CNTNAP2: variants seen among roughly 807,000 people sequenced by gnomAD.
CNTNAP2 encodes contactin associated protein 2.
In CNTNAP2, 98 loss-of-function variants were observed where a neutral mutation model predicts 155.2. That is an observed-to-expected ratio of 0.63 (90% CI 0.54 to 0.75). The LOEUF (loss-of-function observed/expected upper bound fraction) is 0.75, where lower values mean the gene tolerates loss of function less well. Among genes scored for constraint, CNTNAP2 ranks in the 30% least tolerant of loss-of-function variants. CNTNAP2 has a pLI of 0.00. For missense variants in CNTNAP2, 1,727 were observed against 1,688.1 expected (o/e 1.02, Z -0.40); for synonymous variants, 651 against 631.2 (o/e 1.03, Z -0.47).
intron 14 of CNTNAP2, among the ~76,000 whole-genome samples, chr7:147,940,523 T>TTTAA (rs1800700508): frequency 1.3e-5 from 2 of 152,000 alleles, no homozygotes; most frequent in Admixed American, 6.6e-5. Context: ...TTATTTCTTT[T>TTTAA]TTAATTATTT....
At chr7:148,349,346 C>A (rs778612960) in intron 21 of CNTNAP2, among the ~76,000 whole-genome samples, 1 of 150,156 alleles carries the variant, frequency 6.7e-6, no homozygotes, top group Non-Finnish European at 1.5e-5. Context: ...TTGGGCCACA[C>A]GTAAAACACA....
chr7:146,453,929 A>G (rs1027699514), intron 1 of CNTNAP2, among the ~76,000 whole-genome samples: 1 of 152,150 alleles, frequency 6.6e-6, no homozygotes, highest in Admixed American at 6.6e-5. Flanking sequence ...TGGGGTCCTA[A>G]AAGGGTGGAG....
intron 3 of CNTNAP2, among the ~76,000 whole-genome samples, chr7:146,885,700 C>T (rs973515145): frequency 2.6e-5 from 4 of 152,008 alleles, no homozygotes; most frequent in Non-Finnish European, 5.9e-5. Flanking sequence ...TGGATTGAAA[C>T]GAGCCAATAA....
At chr7:147,818,988 A>G (rs17824995) in intron 13 of CNTNAP2, among the ~76,000 whole-genome samples, 10,418 of 152,234 alleles carry the variant, frequency 0.068, 465 homozygotes, top group Middle Eastern at 0.16. Context: ...TTCTAGAGAC[A>G]TTGAATCCAG....
intron 4 of CNTNAP2, among the ~76,000 whole-genome samples, chr7:147,063,428 A>G (rs1452196139): frequency 6.6e-6 from 1 of 152,154 alleles, no homozygotes; most frequent in East Asian, 1.9e-4. Flanking sequence ...CAGGTATGGG[A>G]CACACTTGGG....
chr7:146,592,230 C>T lies in CNTNAP2; in HGVS notation c.98-182041C>T, dbSNP rs190565680. Among the ~76,000 whole-genome samples the T allele has an allele frequency of 5.3e-5, 8 of 152,296 alleles. No individual in the cohort carries two copies. In the Middle Eastern group the frequency reaches 0.014, roughly 259 times the overall value. On this transcript the variant is annotated intron_variant, in intron 1 of 23. Coordinates refer to ENST00000361727, the MANE Select transcript of CNTNAP2 (RefSeq NM_014141.6). ...AGAAGGTTCATTCTGAGATGAGGAT[C>T]TCTGTGGCATATGGTCTTCAGGAGG...
intron 13 of CNTNAP2, among the ~76,000 whole-genome samples, chr7:147,823,437 C>T (rs1798392364): frequency 6.6e-6 from 1 of 152,084 alleles, no homozygotes; most frequent in Admixed American, 6.6e-5. Context: ...TAACCACTAA[C>T]AACCACACTT....
intron 10 of CNTNAP2, among the ~76,000 whole-genome samples, chr7:147,414,969 GA>G (rs899675973): frequency 7.7e-6 from 1 of 129,256 alleles, no homozygotes; most frequent in African/African-American, 2.8e-5. Context: ...AAAAAGAAAA[GA>G]AAAAAAAGAA....
At chr7:147,946,502 G>A (rs1201729199) in intron 14 of CNTNAP2, among the ~76,000 whole-genome samples, 1 of 152,000 alleles carries the variant, frequency 6.6e-6, no homozygotes, top group Non-Finnish European at 1.5e-5. Context: ...CATGACAGAA[G>A]GTTTTACACA....
chr7:147,457,815 C>A lies in CNTNAP2; in HGVS notation c.1671-28120C>A, dbSNP rs546384018. On this transcript the variant is annotated intron_variant, in intron 10 of 23. Coordinates refer to ENST00000361727, the MANE Select transcript of CNTNAP2 (RefSeq NM_014141.6). Reference sequence around the variant, plus strand: ...TAAAAAATACTAAGCAATATCTATGCTACATAGTTTATTTTCAATGAATCA... The same window carrying A: ...TAAAAAATACTAAGCAATATCTATGATACATAGTTTATTTTCAATGAATCA... 4.7e-5 allele frequency among the ~76,000 whole-genome samples: 7 copies of A among 147,372 alleles called. No individual in the cohort carries two copies. In the South Asian group the frequency reaches 1.5e-3, roughly 32 times the overall value.
At chr7:147,003,988 T>C (rs1798476483) in intron 3 of CNTNAP2, among the ~76,000 whole-genome samples, 1 of 152,066 alleles carries the variant, frequency 6.6e-6, no homozygotes, top group Non-Finnish European at 1.5e-5. Flanking sequence ...GCTATGTTTA[T>C]GCCATTGCAC....
intron 1 of CNTNAP2, among the ~76,000 whole-genome samples, chr7:146,289,735 T>G (rs1375658738): frequency 6.6e-6 from 1 of 152,196 alleles, no homozygotes; most frequent in African/African-American, 2.4e-5. Context: ...ACACAATCTC[T>G]TTTACTAAAA....
At chr7:148,192,612 G>A (rs1001573919) in intron 18 of CNTNAP2, among the ~76,000 whole-genome samples, 2 of 150,832 alleles carry the variant, frequency 1.3e-5, no homozygotes, top group East Asian at 1.9e-4. Flanking sequence ...GGCTACAAGA[G>A]CAAAACTCCG....
intron 1 of CNTNAP2, among the ~76,000 whole-genome samples, chr7:146,413,629 CTTG>C (rs1261893788): frequency 6.6e-6 from 1 of 152,020 alleles, no homozygotes; most frequent in Non-Finnish European, 1.5e-5. Flanking sequence ...CTTCCTTTTA[CTTG>C]TTCTTCTTCT....
At chr7:147,039,373 A>C (rs964606516) in intron 3 of CNTNAP2, among the ~76,000 whole-genome samples, 6 of 151,094 alleles carry the variant, frequency 4.0e-5, no homozygotes, top group African/African-American at 1.5e-4. Context: ...TCCACCCTCC[A>C]CTCTCCAGGA....
At position 147,931,414 on chromosome 7, in the gene CNTNAP2, A is replaced by C. The variant is rs113369090; in HGVS notation, c.2255+27693A>C. On this transcript the variant is annotated intron_variant, in intron 14 of 23. Coordinates refer to ENST00000361727, the MANE Select transcript of CNTNAP2 (RefSeq NM_014141.6). The stretch of plus-strand genomic sequence containing the variant: ...GTCAAGATCTTCCAAAAAATTAAAG[A>C]AAAGGGGATACTTTCAAACTCATTT... Among the ~76,000 whole-genome samples, 162 of 152,282 alleles carry C rather than the reference A, an allele frequency of 1.1e-3. 1 individual carries two copies. Among genetic ancestry groups the C allele is most frequent in the Non-Finnish European group, 1.9e-3 (131 of 68,024 alleles).
Position 147,617,901 on chromosome 7 carries a change from A to G in CNTNAP2, c.1898-21205A>G, listed in dbSNP as rs915363517. Among the ~76,000 whole-genome samples the G allele has an allele frequency of 2.6e-5, 4 of 152,260 alleles. No individual in the cohort carries two copies. The Middle Eastern group carries it at 0.01, about 388-fold the overall frequency. On this transcript the variant is annotated intron_variant, in intron 12 of 23. Coordinates refer to ENST00000361727, the MANE Select transcript of CNTNAP2 (RefSeq NM_014141.6). ...TGGTAGGGTTGCTTCCTCTGGATAC[A>G]TGCTTGTATAAGACTGCAAAGCTTT...
chr7:147,325,465 G>A (rs1433640531), intron 9 of CNTNAP2, among the ~76,000 whole-genome samples: 1 of 152,108 alleles, frequency 6.6e-6, no homozygotes, highest in Non-Finnish European at 1.5e-5. Flanking sequence ...TTTCTGAAGA[G>A]GTGAAAGAAT....
At chr7:146,708,095 C>G (rs575456581) in intron 1 of CNTNAP2, among the ~76,000 whole-genome samples, 1 of 152,056 alleles carries the variant, frequency 6.6e-6, no homozygotes. Context: ...AGACAAGACT[C>G]TATAAAAAAT....
Sources: gnomAD v4.1 joint callset for allele counts (sites outside exome capture counted in the v4.1 genomes callset) on GRCh38, gnomAD v4.1.1 for gene constraint, MANE v1.5 for transcripts, NCBI Gene and HGNC (gene_info 2026-07-23, HGNC 2026-07-21) for gene names.